ATP10B: variants seen among roughly 807,000 people sequenced by gnomAD.
ATP10B encodes ATPase phospholipid transporting 10B (putative).
In ATP10B, 122 loss-of-function variants were observed where a neutral mutation model predicts 141.2. The observed-to-expected ratio is 0.86, with a 90% CI of 0.75 to 1.00. ATP10B has a LOEUF of 1.00. ATP10B is among the 50% of genes least tolerant of loss of function. The pLI, the probability that ATP10B is intolerant of heterozygous loss-of-function variation, is 0.00. For synonymous variants in ATP10B, 685 were observed against 692.0 expected, an observed-to-expected ratio of 0.99 and a Z score of 0.16; for missense variants, 1,876 against 1,825.3, an observed-to-expected ratio of 1.03 and a Z score of -0.51.
chr5:160,751,051 C>T (rs763316871), intron 2 of ATP10B, among the ~76,000 whole-genome samples: 9 of 152,258 alleles, frequency 5.9e-5, no homozygotes, highest in African/African-American at 9.6e-5. Context: ...GTGCAGATGT[C>T]CTGGCAGCTC....
At chr5:160,835,637 C>T (rs1487473895) in intron 1 of ATP10B, among the ~76,000 whole-genome samples, 2 of 152,098 alleles carry the variant, frequency 1.3e-5, no homozygotes, top group Non-Finnish European at 2.9e-5. Context: ...CATTTTCAAC[C>T]AAAGAGACTT....
At chr5:160,695,378 A>G (rs1764299991) in intron 3 of ATP10B, among the ~76,000 whole-genome samples, 1 of 152,194 alleles carries the variant, frequency 6.6e-6, no homozygotes, top group Non-Finnish European at 1.5e-5. Flanking sequence ...CAGTGAGCAC[A>G]TTACAGAGGG....
chr5:160,883,543 G>A, the ATP10B span, among the ~76,000 whole-genome samples: 1 of 152,098 alleles, frequency 6.6e-6, no homozygotes, highest in Admixed American at 6.6e-5. Flanking sequence ...AGCACTAGAA[G>A]TATAACAAAA....
intron 1 of ATP10B, among the ~76,000 whole-genome samples, chr5:160,818,371 T>C (rs529381876): frequency 1.2e-4 from 18 of 152,190 alleles, no homozygotes; most frequent in East Asian, 3.8e-4. Context: ...AAAGAAGACA[T>C]TGATGCAGCC....
intron 7 of ATP10B, among the ~76,000 whole-genome samples, chr5:160,654,250 C>T (rs1437912752): frequency 6.6e-6 from 1 of 151,746 alleles, no homozygotes; most frequent in African/African-American, 2.4e-5. Flanking sequence ...CAGGTGTAAG[C>T]CATCGTGCCT....
rs768296985 is a variant in ATP10B, at chr5:160,687,832, G to A, written c.243C>T (p.Phe81=). The part of the protein sequence containing the change: ...TCTTKYTLFT[F]LPRNLFEQFH... ...ATTGCTCAAAGAGATTCCGGGGCAG[G>A]AAGGTGAAGAGGGTGTATTTGGTTG... is the stretch of plus-strand genomic sequence containing the variant. Residue 81 remains phenylalanine (F), a synonymous_variant, in exon 5 of 26, where the codon TTC becomes TTT. Coordinates refer to ENST00000327245, the MANE Select transcript of ATP10B (RefSeq NM_025153.3). 27 of 1,614,024 alleles carry A rather than the reference G, an allele frequency of 1.7e-5. No individual in the cohort carries two copies. The highest frequency in any genetic ancestry group is 2.2e-5 in the Non-Finnish European group (26 of 1,180,030).
chr5:160,924,923 C>T, the ATP10B span, among the ~76,000 whole-genome samples: 5 of 152,166 alleles, frequency 3.3e-5, no homozygotes, highest in East Asian at 7.7e-4. Flanking sequence ...GTGTGGTTGC[C>T]TGCCCACAGA....
At chr5:160,816,529 A>T (rs1049062480) in intron 1 of ATP10B, among the ~76,000 whole-genome samples, 1 of 152,146 alleles carries the variant, frequency 6.6e-6, no homozygotes, top group Non-Finnish European at 1.5e-5. Context: ...CAACCAAAAA[A>T]AATCCAGGAC....
chr5:160,763,722 A>G (rs989160602), intron 2 of ATP10B, among the ~76,000 whole-genome samples: 1 of 152,172 alleles, frequency 6.6e-6, no homozygotes, highest in Non-Finnish European at 1.5e-5. Context: ...AGCAGAACTA[A>G]ATGAAATTGA....
chr5:160,607,112 A>G, intron 18 of ATP10B, 26 bp from the exon 19 acceptor site: 1 of 1,573,748 alleles, frequency 6.4e-7, no homozygotes, highest in East Asian at 2.3e-5. Flanking sequence ...ATAATACAGT[A>G]TTTGTAAGCA....
At chr5:160,661,334 T>A (rs2127713102) in intron 7 of ATP10B, among the ~76,000 whole-genome samples, 1 of 152,326 alleles carries the variant, frequency 6.6e-6, no homozygotes, top group East Asian at 1.9e-4. Context: ...AAAGAAATTA[T>A]CTCAATACTT....
At chr5:160,758,885 C>T (rs1043975970) in intron 2 of ATP10B, among the ~76,000 whole-genome samples, 1 of 152,200 alleles carries the variant, frequency 6.6e-6, no homozygotes, top group African/African-American at 2.4e-5. Flanking sequence ...GAAGCATTTT[C>T]ACAGCTATCA....
At chr5:160,677,981 A>G (rs1466801737) in intron 6 of ATP10B, among the ~76,000 whole-genome samples, 2 of 152,236 alleles carry the variant, frequency 1.3e-5, no homozygotes, top group African/African-American at 4.8e-5. Context: ...GAGTTGGACC[A>G]AGTGGCTGAG....
rs748292210 is a variant in ATP10B at position 160,644,272 on chromosome 5, G to A, written c.762-28C>T. On this transcript the variant is annotated intron_variant, in intron 8 of 25. Transcript: ENST00000327245. ...GGGGATGATGAATAAAAGACAGGGG[G>A]TGGTTTGGTGGCCTTTCCTTGCTGT... 18 of 1,560,508 alleles carry A rather than the reference G, an allele frequency of 1.2e-5. No individual in the cohort carries two copies. The South Asian group carries it at 1.9e-4, about 16-fold the overall frequency.
chr5:160,718,635 C>T (rs569844906), intron 2 of ATP10B, among the ~76,000 whole-genome samples: 1 of 151,668 alleles, frequency 6.6e-6, no homozygotes, highest in African/African-American at 2.4e-5. Flanking sequence ...AGACAAAACC[C>T]CAGGGGTGTC....
chr5:160,646,766 C>T (rs1019351744), intron 8 of ATP10B, among the ~76,000 whole-genome samples: 3 of 152,160 alleles, frequency 2.0e-5, no homozygotes, highest in South Asian at 4.2e-4. Context: ...TTGTAATGTT[C>T]CTTTTCAAAG....
At position 160,606,963 on chromosome 5, in the gene ATP10B, C is replaced by T. The variant is rs1486410834; in HGVS notation, c.2962G>A (p.Glu988Lys). The change falls in exon 19 of 26, where the codon GAA becomes AAA. Residue 988 changes from glutamate to lysine, a missense_variant. By Grantham distance (56) the Glu-to-Lys change is moderately conservative. Coordinates refer to ENST00000327245, the MANE Select transcript of ATP10B (RefSeq NM_025153.3). ...AATCCAGCTTCTGGAACCACAGCTT[C>T]TGAGGTGATGGATGGTGTCTTGGAA... ...LPSKTPSITS[E>K]AVVPEAGLVI... The T allele has an allele frequency of 2.5e-6, 4 of 1,614,034 alleles. No homozygotes were observed. In the East Asian group the frequency reaches 8.9e-5, roughly 36 times the overall value.
chr5:160,609,205 A>G (rs527918610), intron 18 of ATP10B, among the ~76,000 whole-genome samples: 174 of 152,268 alleles, frequency 1.1e-3, no homozygotes, highest in African/African-American at 4.1e-3. Context: ...TGAAGTGCTA[A>G]AAGTTTCTTC....
At chr5:160,924,195 A>C in the ATP10B span, among the ~76,000 whole-genome samples, 1 of 152,228 alleles carries the variant, frequency 6.6e-6, no homozygotes, top group African/African-American at 2.4e-5. Flanking sequence ...TGTGTTATCA[A>C]ACTACCTCTG....
Sources: gnomAD v4.1 joint callset for allele counts (sites outside exome capture counted in the v4.1 genomes callset) on GRCh38, gnomAD v4.1.1 for gene constraint, MANE v1.5 for transcripts, NCBI Gene and HGNC (gene_info 2026-07-23, HGNC 2026-07-21) for gene names.